NPRL3: variants seen among roughly 807,000 people sequenced by gnomAD.
NPRL3 encodes the protein NPR3 like, GATOR1 complex subunit, also known as GATOR1 complex protein NPRL3.
Under a neutral mutation model 57.2 loss-of-function variants are expected in NPRL3, and 23 were observed. The ratio of observed to expected loss-of-function variants is 0.40; its 90% CI spans 0.29 to 0.57. The LOEUF is 0.57. Among genes scored for constraint, NPRL3 ranks in the 20% least tolerant of loss-of-function variants. NPRL3 has a pLI of 0.42. For synonymous variants in NPRL3, 333 were observed against 321.1 expected, an observed-to-expected ratio of 1.04 and a Z score of -0.39; for missense variants, 691 against 767.1, an observed-to-expected ratio of 0.90 and a Z score of 1.17.
chr16:123,402 C>T (rs901675299), intron 3 of NPRL3: 35 of 455,078 alleles, frequency 7.7e-5, no homozygotes, highest in Admixed American at 4.1e-4. Context: ...TGTGCCTCAT[C>T]AGTCACTCTT....
intron 12 of NPRL3, chr16:89,159 G>T: frequency 2.1e-6 from 1 of 471,162 alleles, no homozygotes; most frequent in Non-Finnish European, 3.8e-6. Context: ...AACACCCCAA[G>T]GTGGGCCTGG....
rs66897480 is a variant in NPRL3, at chr16:122,393, A to C, written c.189-3138T>G. On this transcript the variant is annotated intron_variant, in intron 3 of 13. Transcript: ENST00000611875. ...ATGACAGGCATGAGCCACTGCACCC[A>C]TCTGGCTTTATACTTTATATAGTCT... Among the ~76,000 whole-genome samples the C allele has an allele frequency of 7.5e-3, 1,144 of 152,328 alleles. 5 individuals carry two copies. The highest frequency in any genetic ancestry group is 0.013 in the Non-Finnish European group (890 of 68,028).
chr16:109,585 T>C (rs1899694523), intron 7 of NPRL3, among the ~76,000 whole-genome samples: 1 of 152,230 alleles, frequency 6.6e-6, no homozygotes, highest in Admixed American at 6.5e-5. Flanking sequence ...GGGCTCGTTT[T>C]CTGTTTTAAG....
chr16:117,198 G>A (rs374818529), intron 5 of NPRL3, 103 bp downstream of exon 5: 14 of 771,486 alleles, frequency 1.8e-5, no homozygotes, highest in Middle Eastern at 4.7e-4. Flanking sequence ...GGGCCAGCCC[G>A]CTGCAGTCCA....
Position 138,151 on chromosome 16 carries a change from T to C in NPRL3, c.117A>G (p.Thr39=), listed in dbSNP as rs764156867. Residue 39 remains threonine (T), a splice_region_variant and synonymous_variant, in exon 2 of 14, where the codon ACA becomes ACG. Transcript: ENST00000611875. ...GGCCCCCGCCCAGCGCTCACTTACT[T>C]GTCTGGGACGCCGGGTGCTCCTGGC... ...QRSQEHPASQ[T]SKPRSRYAAS... 1.9e-6 allele frequency: 3 copies of C among 1,598,834 alleles called. No homozygotes were observed. The highest frequency in any genetic ancestry group is 1.3e-5 in the African/African-American group (1 of 74,474).
chr16:90,655 G>GA (rs1898725768), intron 11 of NPRL3: 1 of 152,288 alleles, frequency 6.6e-6, no homozygotes, highest in Non-Finnish European at 1.5e-5. Flanking sequence ...AGACACATCA[G>GA]TGTCCTCAGA....
chr16:103,301 T>TG (rs1330953121), intron 7 of NPRL3, among the ~76,000 whole-genome samples: 3 of 89,894 alleles, frequency 3.3e-5, no homozygotes, highest in African/African-American at 1.4e-4. Context: ...GGGTGATTTT[T>TG]TTTTTTTTTT....
In NPRL3 at chr16:138,118, G is replaced by A. The variant is rs1241966909; in HGVS notation, c.118+32C>T. The stretch of plus-strand genomic sequence containing the variant: ...GACCCCGGAATGAGGCGGCCCCCGC[G>A]AGCGCCAGGCCCCCGCCCAGCGCTC... On this transcript the variant is annotated intron_variant, in intron 2 of 13. Coordinates refer to ENST00000611875, the MANE Select transcript of NPRL3 (RefSeq NM_001077350.3). The A allele has an allele frequency of 5.9e-6, 9 of 1,535,666 alleles. No individual in the cohort carries two copies. In the South Asian group the frequency reaches 9.5e-5, roughly 16 times the overall value.
intron 7 of NPRL3, among the ~76,000 whole-genome samples, chr16:106,275 T>A (rs1235659153): frequency 1.3e-5 from 2 of 151,934 alleles, no homozygotes; most frequent in African/African-American, 2.4e-5. Context: ...GCCATTGCAC[T>A]CCAGCCTGGG....
At position 116,783 on chromosome 16, in the gene NPRL3, C is replaced by T. The variant is rs576585598; in HGVS notation, c.393+518G>A. Among the ~76,000 whole-genome samples, 17 of 118,172 alleles carry T rather than the reference C, an allele frequency of 1.4e-4. 1 individual carries two copies. The South Asian group carries it at 3.4e-3, about 24-fold the overall frequency. 77.5% of individuals were successfully genotyped at this position (118,172 alleles called of 152,430 possible). On this transcript the variant is annotated intron_variant, in intron 5 of 13. Coordinates refer to ENST00000611875, the MANE Select transcript of NPRL3 (RefSeq NM_001077350.3). Reference sequence around the variant, plus strand: ...TTCAAGACCAGCATGGCCAACATGGCGAGACCCCCCCCCCCCACCGATCTC... The same window carrying T: ...TTCAAGACCAGCATGGCCAACATGGTGAGACCCCCCCCCCCCACCGATCTC...
intron 3 of NPRL3, among the ~76,000 whole-genome samples, chr16:120,298 T>G (rs567608270): frequency 6.6e-6 from 1 of 152,170 alleles, no homozygotes; most frequent in African/African-American, 2.4e-5. Flanking sequence ...GGGAGACCCC[T>G]AAGGTCCTAG....
chr16:132,379 C>T (rs751305676), intron 2 of NPRL3, among the ~76,000 whole-genome samples: 3 of 152,192 alleles, frequency 2.0e-5, no homozygotes, highest in Admixed American at 1.3e-4. Flanking sequence ...GAGACTGCAG[C>T]ATTTCAGTCA....
chr16:113,858 C>T (rs977337998), intron 5 of NPRL3, among the ~76,000 whole-genome samples: 5 of 152,192 alleles, frequency 3.3e-5, no homozygotes, highest in Non-Finnish European at 7.3e-5. Context: ...TCTCTATATT[C>T]TCATCAGATC....
intron 3 of NPRL3, among the ~76,000 whole-genome samples, chr16:126,570 G>C (rs190184237): frequency 1.8e-3 from 274 of 152,274 alleles, no homozygotes; most frequent in African/African-American, 6.5e-3. Flanking sequence ...CAGTTTCAAA[G>C]AAGGGAGCAG....
At chr16:92,243 GGCAGTCCCCA>G (rs1291304743) in intron 11 of NPRL3, among the ~76,000 whole-genome samples, 30 of 152,276 alleles carry the variant, frequency 2.0e-4, no homozygotes, top group African/African-American at 7.0e-4. Flanking sequence ...CTCATCTGTA[GGCAGTCCCCA>G]GTCCCAAAGG....
At chr16:97,410 A>ATTTTTTT (rs34410203) in intron 9 of NPRL3, among the ~76,000 whole-genome samples, 2 of 115,082 alleles carry the variant, frequency 1.7e-5, no homozygotes, top group Admixed American at 9.8e-5. Context: ...ACACCCAGCT[A>ATTTTTTT]TTTTTTTTTT....
At chr16:137,978 C>CAAATTAA (rs1901188102) in intron 2 of NPRL3, among the ~76,000 whole-genome samples, 172 bp downstream of exon 2, 1 of 151,824 alleles carries the variant, frequency 6.6e-6, no homozygotes, top group Non-Finnish European at 1.5e-5. Flanking sequence ...GTGTGGTGAA[C>CAAATTAA]AATGCATGAT....
intron 3 of NPRL3, among the ~76,000 whole-genome samples, chr16:127,730 C>G (rs528282316): frequency 6.6e-6 from 1 of 151,324 alleles, no homozygotes; most frequent in African/African-American, 2.4e-5. Flanking sequence ...TCTTGGCTCA[C>G]TGCAAGCTCC....
At chr16:121,805 G>A (rs1900293289) in intron 3 of NPRL3, among the ~76,000 whole-genome samples, 1 of 151,920 alleles carries the variant, frequency 6.6e-6, no homozygotes, top group Non-Finnish European at 1.5e-5. Context: ...ACGAAGTCTT[G>A]CTCTTGTCCC....
Sources: allele counts gnomAD v4.1 joint callset (sites outside exome capture counted in the v4.1 genomes callset), GRCh38; gene constraint gnomAD v4.1.1; transcripts MANE v1.5; gene names NCBI Gene and HGNC (gene_info 2026-07-23, HGNC 2026-07-21).